ZNF227: variants seen among roughly 807,000 people sequenced by gnomAD.
ZNF227 encodes the protein zinc finger protein 227.
A neutral mutation model predicts 13.2 loss-of-function variants in ZNF227; 12 were observed. The ratio of observed to expected loss-of-function variants is 0.91; its 90% confidence interval spans 0.58 to 1.47. ZNF227 has a LOEUF of 1.47. Among genes scored for constraint, ZNF227 ranks in the 40% most tolerant of loss-of-function variants. The pLI is 0.00. For missense variants in ZNF227, 885 were observed against 967.5 expected (o/e 0.91, Z 1.13); for synonymous variants, 338 against 326.0 (o/e 1.04, Z -0.40).
chr19:44,211,067 G>A (rs1971340994), upstream of ZNF227, among the ~76,000 whole-genome samples: 1 of 151,864 alleles, frequency 6.6e-6, no homozygotes, highest in Non-Finnish European at 1.5e-5. Context: ...GGTGGGGAGG[G>A]GGGTGCCTAT....
chr19:44,220,449 CTT>C (rs968049570), intron 3 of ZNF227, among the ~76,000 whole-genome samples: 1 of 144,788 alleles, frequency 6.9e-6, no homozygotes, highest in African/African-American at 2.5e-5. Flanking sequence ...CTGTTGTTTC[CTT>C]TTTTTTTTTA....
chr19:44,214,920 G>A (rs1470774112), intron 2 of ZNF227, among the ~76,000 whole-genome samples: 1 of 151,940 alleles, frequency 6.6e-6, no homozygotes, highest in Non-Finnish European at 1.5e-5. Context: ...GGTACCGCCT[G>A]AGCTCTGCCT....
At chr19:44,226,890 G>T (rs574485693) in intron 3 of ZNF227, among the ~76,000 whole-genome samples, 4 of 152,154 alleles carry the variant, frequency 2.6e-5, no homozygotes, top group African/African-American at 4.8e-5. Flanking sequence ...GCTGTAGACC[G>T]GAGCTGTTCC....
chr19:44,217,734 A>T, intron 2 of ZNF227, 57 bp from the exon 3 acceptor site: 1 of 1,577,186 alleles, frequency 6.3e-7, no homozygotes, highest in Non-Finnish European at 8.7e-7. Context: ...ATTTCCTCAT[A>T]TGTACACATG....
intron 2 of ZNF227, among the ~76,000 whole-genome samples, chr19:44,217,284 A>T (rs1971992106): frequency 6.6e-6 from 1 of 151,978 alleles, no homozygotes; most frequent in Admixed American, 6.5e-5. Context: ...GCAAGAAGCC[A>T]TGAAGAAGCT....
At chr19:44,216,372 CT>C (rs936126680) in intron 2 of ZNF227, among the ~76,000 whole-genome samples, 2 of 151,878 alleles carry the variant, frequency 1.3e-5, no homozygotes, top group African/African-American at 2.4e-5. Flanking sequence ...ATTGTTATTT[CT>C]TTTAGGTCAA....
chr19:44,222,401 A>C (rs1395467236), intron 3 of ZNF227, among the ~76,000 whole-genome samples: 1 of 151,886 alleles, frequency 6.6e-6, no homozygotes, highest in Admixed American at 6.6e-5. Flanking sequence ...ATGAGCATGG[A>C]ATGTTCTTCC....
At position 44,218,922 on chromosome 19, in the gene ZNF227, T is replaced by G. The variant is rs376931280; in HGVS notation, c.60+1070T>G. ...ATTCTTTTGAGACAGAGTTTAATTCTTGTCACCCAGGCCGGAGTGCAATGG... is the reference window on the plus strand; with the variant it reads ...ATTCTTTTGAGACAGAGTTTAATTCGTGTCACCCAGGCCGGAGTGCAATGG... On this transcript the variant is annotated intron_variant, in intron 3 of 5. Coordinates refer to ENST00000313040, the MANE Select transcript of ZNF227 (RefSeq NM_182490.3). 7.9e-5 allele frequency among the ~76,000 whole-genome samples: 12 copies of G among 152,290 alleles called. No homozygotes were observed. The East Asian group carries it at 2.1e-3, about 27-fold the overall frequency.
chr19:44,218,373 G>A (rs1031890997), intron 3 of ZNF227, among the ~76,000 whole-genome samples: 2 of 152,142 alleles, frequency 1.3e-5, no homozygotes, highest in African/African-American at 4.8e-5. Context: ...AAATTCTGGT[G>A]GAATTCAATA....
intron 3 of ZNF227, among the ~76,000 whole-genome samples, chr19:44,223,499 G>A (rs1599801615): frequency 1.3e-5 from 2 of 152,184 alleles, no homozygotes; most frequent in African/African-American, 4.8e-5. Context: ...TTGGGAGGGT[G>A]TATGTGTTGA....
chr19:44,230,908 CAAAAAA>C (rs561975781), intron 5 of ZNF227, among the ~76,000 whole-genome samples: 8 of 57,110 alleles, frequency 1.4e-4, no homozygotes, highest in Admixed American at 2.7e-4. Context: ...TCCATCTCTA[CAAAAAA>C]AAAAAAAAAA....
At chr19:44,212,356 C>A (rs1035560496), upstream of ZNF227, among the ~76,000 whole-genome samples, 1 of 147,118 alleles carries the variant, frequency 6.8e-6, no homozygotes, top group Non-Finnish European at 1.5e-5. Context: ...CTCTCTCACT[C>A]GCTCGCTCCG....
upstream of ZNF227, among the ~76,000 whole-genome samples, chr19:44,211,685 G>A (rs1335521526): frequency 6.6e-6 from 1 of 152,050 alleles, no homozygotes; most frequent in Non-Finnish European, 1.5e-5. Context: ...TAAGAAAAGT[G>A]GAAATCCATA....
chr19:44,230,087 C>T (rs1375765770), intron 5 of ZNF227, among the ~76,000 whole-genome samples: 2 of 152,154 alleles, frequency 1.3e-5, no homozygotes, highest in Non-Finnish European at 2.9e-5. Flanking sequence ...ATGATTGTAG[C>T]TCACTGCAGC....
intron 2 of ZNF227, among the ~76,000 whole-genome samples, chr19:44,216,451 A>G (rs1010115689): frequency 1.3e-5 from 2 of 151,894 alleles, no homozygotes; most frequent in Non-Finnish European, 2.9e-5. Context: ...AGTCTTTTGC[A>G]TTTCTGAGTT....
At chr19:44,211,886 T>C (rs919947115), upstream of ZNF227, among the ~76,000 whole-genome samples, 4 of 143,896 alleles carry the variant, frequency 2.8e-5, no homozygotes, top group Non-Finnish European at 4.5e-5. Context: ...TTTCTTATAA[T>C]AGTTTTTTTT....
intron 3 of ZNF227, among the ~76,000 whole-genome samples, chr19:44,222,096 G>T (rs1348571982): frequency 6.6e-6 from 1 of 151,630 alleles, no homozygotes; most frequent in Non-Finnish European, 1.5e-5. Context: ...TATTTCTGAG[G>T]GCTCTGTTCT....
At chr19:44,224,209 T>A (rs560110070) in intron 3 of ZNF227, among the ~76,000 whole-genome samples, 1 of 152,278 alleles carries the variant, frequency 6.6e-6, no homozygotes, top group African/African-American at 2.4e-5. Flanking sequence ...AATTTTGGAA[T>A]AGTTGTGGTG....
intron 5 of ZNF227, 48 bp from the exon 6 acceptor site, chr19:44,234,654 C>T (rs1974214007): frequency 2.0e-6 from 3 of 1,478,128 alleles, no homozygotes; most frequent in Non-Finnish European, 2.7e-6. Context: ...CTGAAGAAAG[C>T]ATTTACTGCC....
Sources: allele counts gnomAD v4.1 joint callset (sites outside exome capture counted in the v4.1 genomes callset), GRCh38; gene constraint gnomAD v4.1.1; transcripts MANE v1.5; gene names NCBI Gene and HGNC (gene_info 2026-07-23, HGNC 2026-07-21).